The following FRMD4A variants were observed in gnomAD, a reference collection of about 807,000 sequenced individuals.
The protein encoded by FRMD4A is FERM domain-containing protein 4A.
A neutral mutation model predicts 129.1 loss-of-function variants in FRMD4A; 29 were observed. The observed-to-expected ratio is 0.22, with a 90% CI of 0.17 to 0.31. The LOEUF (loss-of-function observed/expected upper bound fraction) is 0.31, where lower values mean the gene tolerates loss of function less well. Among genes scored for constraint, FRMD4A ranks in the 10% least tolerant of loss-of-function variants. The pLI is 1.00. For synonymous variants in FRMD4A, 634 were observed against 571.6 expected (o/e 1.11, Z -1.56); for missense variants, 1,272 against 1,375.8 (o/e 0.92, Z 1.19).
At position 13,696,575 on chromosome 10, in the gene FRMD4A, C is replaced by A. The variant is rs553980673; in HGVS notation, c.976-2536G>T. On this transcript the variant is annotated intron_variant, in intron 14 of 24. Transcript: ENST00000357447. Reference sequence around the variant, plus strand: ...CCTGGCTAACATGGCAAAACCCTGTCTCTACTAAAAATACAAAAATTAGAC... The same window carrying A: ...CCTGGCTAACATGGCAAAACCCTGTATCTACTAAAAATACAAAAATTAGAC... Among the ~76,000 whole-genome samples the A allele has an allele frequency of 3.3e-5, 5 of 152,276 alleles. No individual in the cohort carries two copies. In the East Asian group the frequency reaches 9.6e-4, roughly 29 times the overall value.
chr10:13,878,767 AAAG>A, intron 2 of FRMD4A, among the ~76,000 whole-genome samples: 1 of 145,390 alleles, frequency 6.9e-6, no homozygotes, highest in South Asian at 2.3e-4. Flanking sequence ...CATAGAAAGA[AAAG>A]AAAGAGAGAG....
intron 2 of FRMD4A, among the ~76,000 whole-genome samples, chr10:14,072,994 G>A (rs919291397): frequency 1.3e-5 from 2 of 152,028 alleles, no homozygotes; most frequent in East Asian, 1.9e-4. Flanking sequence ...TCATATGAAA[G>A]GAAAGAGAGA....
At chr10:13,682,497 C>CT (rs1170963559) in intron 15 of FRMD4A, among the ~76,000 whole-genome samples, 7,065 of 55,722 alleles carry the variant, frequency 0.13, 318 homozygotes, top group African/African-American at 0.14. Context: ...TTCTTTCTTT[C>CT]TTTTTTTTTT....
chr10:14,107,436 T>C (rs1837645248), intron 2 of FRMD4A, among the ~76,000 whole-genome samples: 1 of 152,208 alleles, frequency 6.6e-6, no homozygotes, highest in South Asian at 2.1e-4. Flanking sequence ...CGATGTATAT[T>C]TAGGATTTTT....
intron 2 of FRMD4A, among the ~76,000 whole-genome samples, chr10:13,993,926 AG>A: frequency 6.6e-6 from 1 of 151,432 alleles, no homozygotes; most frequent in Non-Finnish European, 1.5e-5. Flanking sequence ...TTTTAAGATT[AG>A]TTTTTTTTGT....
chr10:14,263,517 C>T (rs900354451), intron 2 of FRMD4A, among the ~76,000 whole-genome samples: 2 of 152,190 alleles, frequency 1.3e-5, no homozygotes, highest in African/African-American at 4.8e-5. Context: ...ATTGCCTTCA[C>T]CCCTCACTAG....
chr10:13,774,219 T>C (rs1302941984), intron 6 of FRMD4A, among the ~76,000 whole-genome samples: 3 of 152,196 alleles, frequency 2.0e-5, no homozygotes, highest in East Asian at 3.8e-4. Context: ...GGATAGATTA[T>C]GACTACATTT....
intron 2 of FRMD4A, among the ~76,000 whole-genome samples, chr10:13,867,778 TAATA>T (rs1366565290): frequency 2.3e-5 from 3 of 131,364 alleles, no homozygotes; most frequent in African/African-American, 8.6e-5. Context: ...ATATGATATA[TAATA>T]AATATATAAT....
intron 2 of FRMD4A, among the ~76,000 whole-genome samples, chr10:14,288,924 G>A (rs1008976735): frequency 1.9e-4 from 29 of 152,098 alleles, no homozygotes; most frequent in African/African-American, 6.5e-4. Context: ...TGTCCTCCAG[G>A]TTCATCCATG....
Position 13,874,424 on chromosome 10 carries a change from T to C in FRMD4A, c.46-15512A>G, listed in dbSNP as rs1383916355. The stretch of plus-strand genomic sequence containing the variant: ...AAACCAGGTAGATGATTATTTACCA[T>C]GTTTCTCTAAGCCTAAAAGCAATGA... On this transcript the variant is annotated intron_variant, in intron 2 of 24. Transcript: ENST00000357447. 2.0e-5 allele frequency among the ~76,000 whole-genome samples: 3 copies of C among 152,182 alleles called. No individual in the cohort carries two copies. The East Asian group carries it at 5.8e-4, about 29-fold the overall frequency.
chr10:14,223,763 A>AAAAAAG (rs1206702742), intron 2 of FRMD4A, among the ~76,000 whole-genome samples: 22 of 125,214 alleles, frequency 1.8e-4, no homozygotes, highest in African/African-American at 6.9e-4. Context: ...AAAAAAAAAA[A>AAAAAAG]AGAGAGAGAG....
intron 2 of FRMD4A, among the ~76,000 whole-genome samples, chr10:14,126,449 G>T (rs547044841): frequency 1.3e-5 from 2 of 151,846 alleles, no homozygotes; most frequent in Admixed American, 6.6e-5. Context: ...GATTACAGGC[G>T]TGAGCCACCG....
At chr10:14,039,509 T>C (rs1833695345) in intron 2 of FRMD4A, among the ~76,000 whole-genome samples, 1 of 143,930 alleles carries the variant, frequency 6.9e-6, no homozygotes, top group Admixed American at 7.1e-5. Context: ...TATCTATCTA[T>C]CTATCTATCT....
At chr10:14,226,321 C>T (rs989916425) in intron 2 of FRMD4A, among the ~76,000 whole-genome samples, 2 of 152,160 alleles carry the variant, frequency 1.3e-5, no homozygotes, top group Non-Finnish European at 2.9e-5. Flanking sequence ...GACCATTCAA[C>T]AGCTCACTGT....
intron 2 of FRMD4A, among the ~76,000 whole-genome samples, chr10:14,065,087 G>A (rs1275461159): frequency 6.6e-6 from 1 of 152,152 alleles, no homozygotes; most frequent in African/African-American, 2.4e-5. Context: ...GGCTCGTGGG[G>A]TCCTTCTTCA....
At chr10:13,885,242 C>T (rs1210387785) in intron 2 of FRMD4A, among the ~76,000 whole-genome samples, 1 of 152,196 alleles carries the variant, frequency 6.6e-6, no homozygotes. Context: ...GTCTCCCATA[C>T]TTTTTGAGAG....
chr10:13,894,062 C>A (rs2094730708), intron 2 of FRMD4A, among the ~76,000 whole-genome samples: 1 of 152,150 alleles, frequency 6.6e-6, no homozygotes, highest in Non-Finnish European at 1.5e-5. Context: ...TCATTCCTCA[C>A]CTGATCATGG....
intron 24 of FRMD4A, among the ~76,000 whole-genome samples, chr10:13,650,654 T>G (rs1401199703): frequency 6.6e-6 from 1 of 152,178 alleles, no homozygotes. Flanking sequence ...CTACCTTCCT[T>G]CCAAAGCCTA....
At chr10:13,700,037 C>T (rs12358118) in intron 14 of FRMD4A, among the ~76,000 whole-genome samples, 42,135 of 151,894 alleles carry the variant, frequency 0.28, 5,835 homozygotes, top group African/African-American at 0.29. Context: ...ATGACGGCTG[C>T]GGGGGACAGA....
Sources: gnomAD v4.1 joint callset for allele counts (sites outside exome capture counted in the v4.1 genomes callset) on GRCh38, gnomAD v4.1.1 for gene constraint, MANE v1.5 for transcripts, NCBI Gene and HGNC (gene_info 2026-07-23, HGNC 2026-07-21) for gene names.